The following CFAP161 variants were observed in gnomAD, a reference collection of about 807,000 sequenced individuals.
CFAP161 encodes the protein cilia- and flagella-associated protein 161.
CFAP161 carries 25 observed loss-of-function variants against 29.0 expected under a neutral mutation model. The observed-to-expected ratio is 0.86, with a 90% CI of 0.63 to 1.20. The LOEUF is 1.20. CFAP161 is among the 50% of genes most tolerant of loss of function. The pLI, the probability that CFAP161 is intolerant of heterozygous loss-of-function variation, is 0.00. For synonymous variants in CFAP161, 116 were observed against 137.4 expected, an observed-to-expected ratio of 0.84 and a Z score of 1.09; for missense variants, 367 against 371.9, an observed-to-expected ratio of 0.99 and a Z score of 0.11.
At chr15:81,118,964 TAA>T (rs1894536522) in intron 1 of CFAP161, among the ~76,000 whole-genome samples, 1 of 152,226 alleles carries the variant, frequency 6.6e-6, no homozygotes, top group Non-Finnish European at 1.5e-5. Context: ...AGGTTTTAAA[TAA>T]GAGTCGTCAG....
chr15:81,143,731 C>G lies in CFAP161; in HGVS notation c.547C>G (p.Leu183Val). 2 of 1,614,098 alleles carry G rather than the reference C, an allele frequency of 1.2e-6. No individual in the cohort carries two copies. Among genetic ancestry groups the G allele is most frequent in the South Asian group, 2.2e-5 (2 of 91,074 alleles). ...SKRSWLQEVY[L>V]TDEVSHVNCW... ...GAGGTCTTGGCTCCAGGAAGTGTACCTAACAGATGAGGTCTCCCATGTGAA... is the reference window on the plus strand; with the variant it reads ...GAGGTCTTGGCTCCAGGAAGTGTACGTAACAGATGAGGTCTCCCATGTGAA... Residue 183 changes from leucine to valine, a missense_variant, in exon 5 of 7, where the codon CTA (leucine) becomes GTA (valine). Leu to Val is a conservative substitution (Grantham distance 32, BLOSUM62 1). Transcript: ENST00000286732.
chr15:81,125,509 C>A (rs1306090218), intron 1 of CFAP161, among the ~76,000 whole-genome samples: 3 of 152,048 alleles, frequency 2.0e-5, no homozygotes, highest in Admixed American at 2.0e-4. Flanking sequence ...TAAAACTGAC[C>A]AGTAAACTTA....
intron 1 of CFAP161, among the ~76,000 whole-genome samples, chr15:81,123,250 C>T (rs111877570): frequency 3.9e-4 from 60 of 152,166 alleles, no homozygotes; most frequent in Admixed American, 1.7e-3. Context: ...TTTAATCTTC[C>T]GCATATGGCT....
intron 4 of CFAP161, among the ~76,000 whole-genome samples, chr15:81,140,305 G>A (rs1427067704): frequency 6.6e-6 from 1 of 152,158 alleles, no homozygotes; most frequent in Non-Finnish European, 1.5e-5. Context: ...TTAGCTTCTA[G>A]ATGTTTGCAA....
intron 4 of CFAP161, among the ~76,000 whole-genome samples, chr15:81,141,773 C>T (rs1377006365): frequency 6.6e-6 from 1 of 150,556 alleles, no homozygotes; most frequent in African/African-American, 2.5e-5. Context: ...CAGCCTCTGC[C>T]TCCCGGGTTC....
At chr15:81,116,324 T>C (rs573588139) in intron 1 of CFAP161, among the ~76,000 whole-genome samples, 48 of 152,214 alleles carry the variant, frequency 3.2e-4, no homozygotes, top group African/African-American at 1.2e-3. Context: ...GATGGATTCT[T>C]GCTCTGTTGC....
chr15:81,105,275 T>TTCTC (rs200785737), intron 1 of CFAP161, among the ~76,000 whole-genome samples: 5,150 of 106,668 alleles, frequency 0.048, 219 homozygotes, highest in East Asian at 0.1. Flanking sequence ...CTTTCTTTCT[T>TTCTC]TTTCTTTTTT....
chr15:81,104,202 G>A (rs886353612), intron 1 of CFAP161, among the ~76,000 whole-genome samples: 3 of 152,184 alleles, frequency 2.0e-5, no homozygotes, highest in Admixed American at 1.3e-4. Flanking sequence ...TTTCTGCAAG[G>A]CAGAGAAAGT....
chr15:81,124,901 T>C (rs1894621198), intron 1 of CFAP161, among the ~76,000 whole-genome samples: 1 of 152,258 alleles, frequency 6.6e-6, no homozygotes, highest in African/African-American at 2.4e-5. Flanking sequence ...TTTTAATGTA[T>C]ATTAATAGAC....
At chr15:81,135,431 TG>T in intron 2 of CFAP161, 72 bp downstream of exon 2, 2 of 957,216 alleles carry the variant, frequency 2.1e-6, no homozygotes, top group South Asian at 3.3e-5. Flanking sequence ...TTGTTACATA[TG>T]TATACATATG....
Position 81,143,292 on chromosome 15 carries a change from C to T in CFAP161, c.478-370C>T, listed in dbSNP as rs144373357. Among the ~76,000 whole-genome samples the T allele has an allele frequency of 1.2e-4, 18 of 152,266 alleles. No homozygotes were observed. The East Asian group carries it at 3.5e-3, about 29-fold the overall frequency. On this transcript the variant is annotated intron_variant, in intron 4 of 6. Transcript: ENST00000286732. ...TGCCACTGCGCTCCAGCCTGGGCAA[C>T]AGAATGAGACCCTGTCTCAAAACAA...
rs138246074 is a variant in CFAP161, at chr15:81,143,249, G to C, written c.478-413G>C. Among the ~76,000 whole-genome samples the C allele has an allele frequency of 4.7e-3, 723 of 152,238 alleles. 1 individual carries two copies. The highest frequency in any genetic ancestry group is 7.4e-3 in the Non-Finnish European group (506 of 68,016). ...GATCACTTGAGCCCAGGAGTTGGAG[G>C]CTGCAGTGAACCATGATTGCCACTG... On this transcript the variant is annotated intron_variant, in intron 4 of 6. Transcript: ENST00000286732.
At chr15:81,115,632 A>G (rs577339628) in intron 1 of CFAP161, among the ~76,000 whole-genome samples, 12 of 152,300 alleles carry the variant, frequency 7.9e-5, no homozygotes. Context: ...TAATAATTAT[A>G]TGACAAAATT....
intron 4 of CFAP161, among the ~76,000 whole-genome samples, chr15:81,143,028 C>T (rs1894938911): frequency 6.6e-6 from 1 of 152,048 alleles, no homozygotes; most frequent in South Asian, 2.1e-4. Flanking sequence ...AATATTAGTC[C>T]ATGGCTGGGC....
intron 1 of CFAP161, among the ~76,000 whole-genome samples, chr15:81,106,372 G>T (rs556414539): frequency 1.3e-5 from 2 of 152,166 alleles, no homozygotes; most frequent in Non-Finnish European, 2.9e-5. Context: ...GGGTTTCACC[G>T]TGTTAACCAG....
At chr15:81,108,972 A>G (rs1211503024) in intron 1 of CFAP161, among the ~76,000 whole-genome samples, 1 of 152,168 alleles carries the variant, frequency 6.6e-6, no homozygotes, top group Non-Finnish European at 1.5e-5. Context: ...TCAGGACTGT[A>G]AGGTGGATGC....
intron 1 of CFAP161, among the ~76,000 whole-genome samples, chr15:81,106,391 C>T (rs529902088): frequency 2.0e-4 from 30 of 152,292 alleles, no homozygotes; most frequent in Non-Finnish European, 4.0e-4. Context: ...AGGATGGTCT[C>T]GATCTCCTGA....
upstream of CFAP161, among the ~76,000 whole-genome samples, chr15:81,130,189 G>A (rs111938824): frequency 2.1e-3 from 322 of 152,304 alleles, 2 homozygotes; most frequent in African/African-American, 7.2e-3. Flanking sequence ...GTGGTGGCTC[G>A]TCTGACCTTT....
chr15:81,110,024 C>T (rs1894421221), intron 1 of CFAP161, among the ~76,000 whole-genome samples: 1 of 152,116 alleles, frequency 6.6e-6, no homozygotes. Flanking sequence ...TTAGCAGAAT[C>T]CATGTAGCTC....
Sources: gnomAD v4.1 joint callset for allele counts (sites outside exome capture counted in the v4.1 genomes callset) on GRCh38, gnomAD v4.1.1 for gene constraint, MANE v1.5 for transcripts, NCBI Gene and HGNC (gene_info 2026-07-23, HGNC 2026-07-21) for gene names.